TRPM3: variants seen among roughly 807,000 people sequenced by gnomAD.
The protein encoded by TRPM3 is transient receptor potential cation channel subfamily M member 3.
Under a neutral mutation model 181.2 loss-of-function variants are expected in TRPM3, and 77 were observed. The ratio of observed to expected loss-of-function variants is 0.42; its 90% CI spans 0.35 to 0.51. The LOEUF is 0.51. Among genes scored for constraint, TRPM3 ranks in the 20% least tolerant of loss-of-function variants. The pLI is 0.01. For missense variants in TRPM3, 1,759 were observed against 2,196.7 expected, an observed-to-expected ratio of 0.80 and a Z score of 3.98; for synonymous variants, 745 against 796.4, an observed-to-expected ratio of 0.94 and a Z score of 1.09.
intron 6 of TRPM3, among the ~76,000 whole-genome samples, chr9:70,788,737 C>T (rs554564532): frequency 6.6e-6 from 1 of 152,218 alleles, no homozygotes; most frequent in South Asian, 2.1e-4. Flanking sequence ...CTAGGGTTCC[C>T]ATGGTCCCAT....
chr9:70,552,934 T>C lies in TRPM3; in HGVS notation c.3484A>G (p.Ile1162Val). 6.2e-7 allele frequency: 1 copy of C among 1,614,218 alleles called. No homozygotes were observed. Among genetic ancestry groups the C allele is most frequent in the Non-Finnish European group, 8.5e-7 (1 of 1,180,036 alleles). Reference sequence around the variant, plus strand: ...AATATCATGGTCATGTGGCTGAAGATGATCAGTGGTGGGGGCAGAACTGGC... The same window carrying C: ...AATATCATGGTCATGTGGCTGAAGACGATCAGTGGTGGGGGCAGAACTGGC... ...ERPVLPPPLI[I>V]FSHMTMIFQH... The change falls in exon 24 of 26, where the codon ATC becomes GTC. Residue 1162 changes from isoleucine (I) to valine (V), a missense_variant. Transcript: ENST00000677713.
intron 10 of TRPM3, among the ~76,000 whole-genome samples, chr9:70,639,602 A>G (rs868661663): frequency 1.3e-5 from 2 of 152,284 alleles, no homozygotes; most frequent in South Asian, 4.1e-4. Flanking sequence ...CCCCAGGCCA[A>G]CTTGAGAAGA....
chr9:71,355,256 C>G (rs958600), intron 1 of TRPM3, among the ~76,000 whole-genome samples: 71,869 of 152,068 alleles, frequency 0.47, 17,954 homozygotes, highest in East Asian at 0.6. Flanking sequence ...AAGTTTTTTA[C>G]AGATATGATC....
chr9:71,221,566 C>T (rs747153075), intron 1 of TRPM3, among the ~76,000 whole-genome samples: 5 of 152,056 alleles, frequency 3.3e-5, no homozygotes, highest in Non-Finnish European at 5.9e-5. Flanking sequence ...GCACTTATCA[C>T]GTATGTCTTT....
At chr9:70,961,956 G>A (rs1421241216) in intron 1 of TRPM3, among the ~76,000 whole-genome samples, 1 of 152,140 alleles carries the variant, frequency 6.6e-6, no homozygotes, top group Non-Finnish European at 1.5e-5. Flanking sequence ...ATCATAGAAT[G>A]ACTCTATAGG....
At chr9:70,852,145 A>T (rs2132183366) in intron 3 of TRPM3, among the ~76,000 whole-genome samples, 1 of 150,390 alleles carries the variant, frequency 6.6e-6, no homozygotes, top group South Asian at 2.1e-4. Flanking sequence ...AAAAAAAAAA[A>T]AAAAAAAAAA....
chr9:71,407,144 C>T (rs1177994951), intron 1 of TRPM3, among the ~76,000 whole-genome samples: 1 of 152,164 alleles, frequency 6.6e-6, no homozygotes, highest in African/African-American at 2.4e-5. Flanking sequence ...CTCCAGTCTA[C>T]AGCTCCCAGC....
At chr9:71,092,748 C>T (rs867621453) in intron 1 of TRPM3, among the ~76,000 whole-genome samples, 9 of 152,180 alleles carry the variant, frequency 5.9e-5, no homozygotes, top group African/African-American at 9.6e-5. Flanking sequence ...GTAGCTCTTA[C>T]ATTAAATGTT....
chr9:71,387,177 G>A (rs1423744347), intron 1 of TRPM3, among the ~76,000 whole-genome samples: 1 of 152,086 alleles, frequency 6.6e-6, no homozygotes, highest in Non-Finnish European at 1.5e-5. Flanking sequence ...AAAGGGCAAT[G>A]GTTTCCTAAT....
intron 1 of TRPM3, among the ~76,000 whole-genome samples, chr9:70,967,261 A>G (rs1056942739): frequency 3.9e-5 from 6 of 152,108 alleles, no homozygotes; most frequent in African/African-American, 1.4e-4. Flanking sequence ...AGTGCTAAGA[A>G]AGATCAGAGA....
At chr9:70,574,432 C>T (rs950174848) in intron 22 of TRPM3, among the ~76,000 whole-genome samples, 2 of 152,188 alleles carry the variant, frequency 1.3e-5, no homozygotes, top group Non-Finnish European at 2.9e-5. Context: ...CAAATTCCTC[C>T]TTATTCTGCA....
intron 8 of TRPM3, among the ~76,000 whole-genome samples, chr9:70,683,474 C>A (rs1002777125): frequency 7.1e-5 from 4 of 56,624 alleles, no homozygotes; most frequent in African/African-American, 2.1e-4. Context: ...GATGGGGTTT[C>A]ATTATGTTGC....
At chr9:70,593,835 G>T (rs1438795657) in intron 21 of TRPM3, among the ~76,000 whole-genome samples, 2 of 146,892 alleles carry the variant, frequency 1.4e-5, no homozygotes, top group African/African-American at 5.0e-5. Flanking sequence ...ACAGAGGAGA[G>T]TATATAATAT....
chr9:70,559,747 T>C (rs1467978908), intron 22 of TRPM3, among the ~76,000 whole-genome samples: 1 of 152,166 alleles, frequency 6.6e-6, no homozygotes, highest in Non-Finnish European at 1.5e-5. Context: ...AGTGACATTC[T>C]TCTTTTCAGG....
At chr9:70,981,265 C>T (rs2097361222) in intron 1 of TRPM3, among the ~76,000 whole-genome samples, 1 of 152,166 alleles carries the variant, frequency 6.6e-6, no homozygotes, top group Non-Finnish European at 1.5e-5. Context: ...CGTAGAAGAG[C>T]TTGAAAATAG....
chr9:70,650,850 T>C (rs2059512461), intron 9 of TRPM3, among the ~76,000 whole-genome samples: 2 of 152,206 alleles, frequency 1.3e-5, no homozygotes, highest in African/African-American at 4.8e-5. Flanking sequence ...TTATCTCCTT[T>C]TGCTGCCTCA....
chr9:71,314,481 C>T (rs914509089), intron 1 of TRPM3, among the ~76,000 whole-genome samples: 2 of 152,162 alleles, frequency 1.3e-5, no homozygotes, highest in East Asian at 3.9e-4. Context: ...TGGCCCCATA[C>T]CTACCCTATT....
chr9:71,359,830 A>T (rs1048378594), intron 1 of TRPM3, among the ~76,000 whole-genome samples: 2 of 152,164 alleles, frequency 1.3e-5, no homozygotes, highest in Admixed American at 6.6e-5. Context: ...TCCTAACAAT[A>T]AAATGCGAAT....
intron 1 of TRPM3, among the ~76,000 whole-genome samples, chr9:71,310,426 A>C (rs1355901558): frequency 1.3e-5 from 2 of 152,110 alleles, no homozygotes; most frequent in African/African-American, 2.4e-5. Flanking sequence ...ATTTTTAAGA[A>C]GAGATCTAGG....
Sources: allele counts gnomAD v4.1 joint callset (sites outside exome capture counted in the v4.1 genomes callset), GRCh38; gene constraint gnomAD v4.1.1; transcripts MANE v1.5; gene names NCBI Gene and HGNC (gene_info 2026-07-23, HGNC 2026-07-21).